The following NAPB variants were observed in gnomAD, a reference collection of about 807,000 sequenced individuals.
The protein encoded by NAPB is NSF attachment protein beta, also known as beta-soluble NSF attachment protein.
In NAPB, 26 loss-of-function variants were observed where a neutral mutation model predicts 44.7. That is an observed-to-expected ratio of 0.58 (90% CI 0.43 to 0.81). The LOEUF is 0.81. NAPB is among the 30% of genes least tolerant of loss of function. NAPB has a pLI of 0.00. For missense variants in NAPB, 315 were observed against 356.4 expected, an observed-to-expected ratio of 0.88 and a Z score of 0.94; for synonymous variants, 120 against 116.8, an observed-to-expected ratio of 1.03 and a Z score of -0.18.
chr20:23,416,519 A>C (rs567627485), intron 1 of NAPB, among the ~76,000 whole-genome samples: 1 of 152,128 alleles, frequency 6.6e-6, no homozygotes, highest in Non-Finnish European at 1.5e-5. Context: ...ATAGTCACCA[A>C]AATAGTAAAT....
intron 1 of NAPB, among the ~76,000 whole-genome samples, chr20:23,420,148 A>G (rs1326249580): frequency 6.6e-6 from 1 of 152,216 alleles, no homozygotes; most frequent in Non-Finnish European, 1.5e-5. Flanking sequence ...AAACAGCTGA[A>G]TCATTCACAT....
At chr20:23,401,086 G>C (rs1451041890) in intron 2 of NAPB, among the ~76,000 whole-genome samples, 1 of 152,116 alleles carries the variant, frequency 6.6e-6, no homozygotes. Flanking sequence ...GGGAGCTGAA[G>C]GAAGCAGGGA....
At chr20:23,390,179 T>C in intron 6 of NAPB, 30 bp downstream of exon 6, 2 of 1,571,388 alleles carry the variant, frequency 1.3e-6, no homozygotes, top group Non-Finnish European at 1.8e-6. Flanking sequence ...ATAAAACCCA[T>C]TAAATCATAT....
chr20:23,398,854 A>ATTTTTTTTTTT (rs34074566), intron 2 of NAPB, among the ~76,000 whole-genome samples: 6 of 90,448 alleles, frequency 6.6e-5, no homozygotes, highest in Admixed American at 1.5e-4. Flanking sequence ...CAAAAAAAAA[A>ATTTTTTTTTTT]TTTTTTTTTT....
At chr20:23,406,380 G>A (rs1408915461) in intron 1 of NAPB, among the ~76,000 whole-genome samples, 2 of 152,082 alleles carry the variant, frequency 1.3e-5, no homozygotes, top group Non-Finnish European at 2.9e-5. Flanking sequence ...TGGTTGCATA[G>A]CCCTGTGAAT....
intron 7 of NAPB, among the ~76,000 whole-genome samples, chr20:23,381,949 G>A (rs558299628): frequency 1.9e-4 from 29 of 152,314 alleles, no homozygotes; most frequent in Non-Finnish European, 2.6e-4. Context: ...CAATACCTCT[G>A]CTTAGGAGCT....
At chr20:23,378,631 G>C (rs1018075022) in intron 10 of NAPB, among the ~76,000 whole-genome samples, 2 of 149,154 alleles carry the variant, frequency 1.3e-5, no homozygotes, top group Non-Finnish European at 3.0e-5. Context: ...TAGTAAAGAT[G>C]GTGTTTTGCC....
chr20:23,382,803 T>C (rs182043832), intron 7 of NAPB, among the ~76,000 whole-genome samples: 3 of 151,976 alleles, frequency 2.0e-5, no homozygotes, highest in Admixed American at 2.0e-4. Context: ...CAAGGACCCA[T>C]GGGATAATAA....
chr20:23,398,854 ATTTTTT>A (rs34074566), intron 2 of NAPB, among the ~76,000 whole-genome samples: 56 of 90,424 alleles, frequency 6.2e-4, no homozygotes, highest in African/African-American at 2.6e-3. Flanking sequence ...CAAAAAAAAA[ATTTTTT>A]TTTTTTTTTT....
Position 23,377,503 on chromosome 20 carries a change from G to GTATAA in NAPB, c.787-18_787-17insTTATA. 2 of 1,547,928 alleles carry GTATAA rather than the reference G, an allele frequency of 1.3e-6. No individual in the cohort carries two copies. Among genetic ancestry groups the GTATAA allele is most frequent in the South Asian group, 2.4e-5 (2 of 83,520 alleles). On this transcript the variant is annotated splice_polypyrimidine_tract_variant and intron_variant, in intron 10 of 10. Coordinates refer to ENST00000377026, the MANE Select transcript of NAPB (RefSeq NM_022080.3). ...TTCCTTCACCTAGTATAAGGAAAGAGGAACAGGAATTACCCCATGTAAATA... is the reference window on the plus strand; with the variant it reads ...TTCCTTCACCTAGTATAAGGAAAGAGTATAAGAACAGGAATTACCCCATGTAAATA...
intron 5 of NAPB, 89 bp from the exon 6 acceptor site, chr20:23,390,353 A>T: frequency 9.1e-7 from 1 of 1,104,194 alleles, no homozygotes; most frequent in Non-Finnish European, 1.4e-6. Flanking sequence ...TCCATAAATA[A>T]ACCTACTCTA....
intron 2 of NAPB, among the ~76,000 whole-genome samples, chr20:23,398,924 G>C (rs1984610284): frequency 1.4e-5 from 2 of 146,248 alleles, no homozygotes; most frequent in Non-Finnish European, 3.0e-5. Flanking sequence ...GAACTTCTGG[G>C]CTCAAGCAAT....
At chr20:23,382,404 G>T (rs957367076) in intron 7 of NAPB, among the ~76,000 whole-genome samples, 11 of 152,146 alleles carry the variant, frequency 7.2e-5, no homozygotes, top group African/African-American at 2.7e-4. Context: ...AATCAGAAAT[G>T]ACTTGTAATA....
intron 7 of NAPB, among the ~76,000 whole-genome samples, chr20:23,384,623 A>G (rs866780931): frequency 6.6e-6 from 1 of 151,950 alleles, no homozygotes; most frequent in Admixed American, 6.6e-5. Context: ...CCCAGTCTCA[A>G]AAAAAAAGAA....
rs1600263230 is a variant in NAPB at position 23,421,409 on chromosome 20, C to T, written c.-7G>A. 1 of 1,542,290 alleles carries T rather than the reference C, an allele frequency of 6.5e-7. No individual in the cohort carries two copies. Among genetic ancestry groups the T allele is most frequent in the African/African-American group, 1.4e-5 (1 of 71,882 alleles). On this transcript the variant is annotated 5_prime_UTR_variant, in exon 1 of 11. Coordinates refer to ENST00000377026, the MANE Select transcript of NAPB (RefSeq NM_022080.3). ...CCTTCCCCGCGTTGTCCATGTCGCC[C>T]GCCGCGGCCGCCACAGCCCCCTCAG...
intron 2 of NAPB, among the ~76,000 whole-genome samples, chr20:23,400,440 C>T (rs538803400): frequency 1.3e-5 from 2 of 152,148 alleles, no homozygotes; most frequent in South Asian, 2.1e-4. Context: ...CGCTTAAACT[C>T]GGGAGGCGGA....
chr20:23,381,332 C>T lies in NAPB; in HGVS notation c.562-15G>A, dbSNP rs778089971. On this transcript the variant is annotated splice_polypyrimidine_tract_variant and intron_variant, in intron 7 of 10. Transcript: ENST00000377026. ...TTTGCCCCAACCTAGGCACAGAACG[C>T]AGAGTTAAATTTAAAAGATTTACCC... 6.6e-7 allele frequency: 1 copy of T among 1,509,298 alleles called. No homozygotes were observed. The allele number at this position is 1,509,298 out of a possible 1,614,324, so 93.5% of individuals were successfully genotyped here. A position where few individuals can be genotyped will look rare whatever the true frequency, so the allele number is the denominator to read the frequency against.
At chr20:23,379,424 T>A in intron 10 of NAPB, 21 bp downstream of exon 10, 1 of 1,571,946 alleles carries the variant, frequency 6.4e-7, no homozygotes. Flanking sequence ...TAATGTACCA[T>A]GTCCCAAAAG....
intron 1 of NAPB, among the ~76,000 whole-genome samples, chr20:23,421,074 T>TG (rs1040356001): frequency 6.9e-6 from 1 of 145,214 alleles, no homozygotes; most frequent in African/African-American, 2.6e-5. Flanking sequence ...GGGGGGCCTG[T>TG]GGGGTCTCTG....
Sources: allele counts gnomAD v4.1 joint callset (sites outside exome capture counted in the v4.1 genomes callset), GRCh38; gene constraint gnomAD v4.1.1; transcripts MANE v1.5; gene names NCBI Gene and HGNC (gene_info 2026-07-23, HGNC 2026-07-21).